The following ZNF611 variants were observed in gnomAD, a reference collection of about 807,000 sequenced individuals.
The protein encoded by ZNF611 is zinc finger protein 611.
ZNF611 carries 6 observed loss-of-function variants against 8.9 expected under a neutral mutation model. That is an observed-to-expected ratio of 0.68 (90% CI 0.37 to 1.34). ZNF611 has a LOEUF of 1.34. Among genes scored for constraint, ZNF611 ranks in the 40% most tolerant of loss-of-function variants. The pLI is 0.02. For synonymous variants in ZNF611, 262 were observed against 279.7 expected, an observed-to-expected ratio of 0.94 and a Z score of 0.63; for missense variants, 874 against 841.3, an observed-to-expected ratio of 1.04 and a Z score of -0.48.
chr19:52,714,559 G>C (rs1321036091), intron 4 of ZNF611, among the ~76,000 whole-genome samples: 1 of 151,142 alleles, frequency 6.6e-6, no homozygotes, highest in African/African-American at 2.4e-5. Context: ...ATGGTAGAAG[G>C]CACCTGTAAT....
At chr19:52,727,907 CTTTTTTTTTT>C (rs11319896) in intron 3 of ZNF611, among the ~76,000 whole-genome samples, 82 of 105,888 alleles carry the variant, frequency 7.7e-4, no homozygotes, top group African/African-American at 2.9e-3. Context: ...TGTTGTGTGC[CTTTTTTTTTT>C]TTTTTTTTTT....
At chr19:52,729,507 AAAAAAAAAAAAG>A (rs1568610174) in intron 2 of ZNF611, among the ~76,000 whole-genome samples, 3 of 145,314 alleles carry the variant, frequency 2.1e-5, no homozygotes, top group African/African-American at 8.1e-5. Flanking sequence ...AAAAAAAAAA[AAAAAAAAAAAAG>A]AAAAGAAAGA....
chr19:52,733,313 TG>T (rs1353728246), intron 1 of ZNF611, among the ~76,000 whole-genome samples: 10 of 152,156 alleles, frequency 6.6e-5, no homozygotes, highest in Non-Finnish European at 8.8e-5. Flanking sequence ...CCTTTTTTTT[TG>T]TTTGGAGACA....
At chr19:52,724,845 C>CTA (rs1289439923) in intron 3 of ZNF611, among the ~76,000 whole-genome samples, 1 of 152,136 alleles carries the variant, frequency 6.6e-6, no homozygotes, top group African/African-American at 2.4e-5. Flanking sequence ...CTGCCCCTCT[C>CTA]CCTATCTTGT....
chr19:52,706,540 A>G lies in ZNF611; in HGVS notation c.515T>C (p.Ile172Thr). 5 of 1,614,154 alleles carry G rather than the reference A, an allele frequency of 3.1e-6. No individual in the cohort carries two copies. The highest frequency in any genetic ancestry group is 4.2e-6 in the Non-Finnish European group (5 of 1,180,026). Residue 172 changes from isoleucine to threonine, a missense_variant, in exon 6 of 6, where the codon ATC (isoleucine) becomes ACC (threonine). Coordinates refer to ENST00000652185, the MANE Select transcript of ZNF611 (RefSeq NM_001161499.2). ...AAGTTGATTACCAATTTCACCTTTG[A>G]TCTGAAATATGTGGAGTTCAGGCAG... is the stretch of plus-strand genomic sequence containing the variant. ...SHLPELHIFQ[I>T]KGEIGNQLEK...
At chr19:52,719,447 C>T (rs573909515) in intron 3 of ZNF611, among the ~76,000 whole-genome samples, 1 of 152,248 alleles carries the variant, frequency 6.6e-6, no homozygotes, top group East Asian at 1.9e-4. Context: ...AGGGAAGCTG[C>T]CTCTGATGCC....
chr19:52,711,477 T>C (rs2062279636), intron 5 of ZNF611, among the ~76,000 whole-genome samples: 2 of 152,172 alleles, frequency 1.3e-5, no homozygotes, highest in African/African-American at 4.8e-5. Flanking sequence ...GGACAAGACT[T>C]GATCCTGGGC....
intron 5 of ZNF611, chr19:52,708,805 C>G (rs1188899632): frequency 6.6e-6 from 1 of 152,176 alleles, no homozygotes; most frequent in East Asian, 1.9e-4. Context: ...CCATTGCACT[C>G]CAGCCTGGGT....
intron 3 of ZNF611, among the ~76,000 whole-genome samples, chr19:52,726,280 G>A (rs192007326): frequency 6.6e-6 from 1 of 152,258 alleles, no homozygotes; most frequent in East Asian, 1.9e-4. Flanking sequence ...GAAGCCTGAG[G>A]TCCCAGCTAC....
Position 52,706,230 on chromosome 19 carries a change from T to A in ZNF611, c.825A>T (p.Ala275=), listed in dbSNP as rs111665269. 3 of 1,614,200 alleles carry A rather than the reference T, an allele frequency of 1.9e-6. No homozygotes were observed. The South Asian group carries it at 3.3e-5, about 18-fold the overall frequency. The change falls in exon 6 of 6, where the codon GCA becomes GCT. Residue 275 remains alanine (A), a synonymous_variant. Coordinates refer to ENST00000652185, the MANE Select transcript of ZNF611 (RefSeq NM_001161499.2). ...CAACAGTGTGACATCTATCATGGCA[T>A]GCAAGGTATTGCTCGTGATTAAAGA... The part of the protein sequence containing the change: ...GKLFNHEQYL[A]CHDRCHTVEK...
At chr19:52,728,495 A>G (rs1201484690) in intron 3 of ZNF611, among the ~76,000 whole-genome samples, 2 of 151,878 alleles carry the variant, frequency 1.3e-5, no homozygotes, top group East Asian at 1.9e-4. Flanking sequence ...CCGAGATCGC[A>G]CCATTTAACT....
At chr19:52,721,693 G>C (rs1235385614) in intron 3 of ZNF611, among the ~76,000 whole-genome samples, 1 of 151,948 alleles carries the variant, frequency 6.6e-6, no homozygotes, top group Admixed American at 6.6e-5. Context: ...GAGAGAGGGA[G>C]GGAGAGGGAG....
At chr19:52,714,905 G>C (rs2062306403) in intron 4 of ZNF611, among the ~76,000 whole-genome samples, 1 of 151,972 alleles carries the variant, frequency 6.6e-6, no homozygotes, top group Non-Finnish European at 1.5e-5. Context: ...GGCTGAGGCA[G>C]GAGGATCGCT....
At chr19:52,710,476 C>G (rs1483287029) in intron 5 of ZNF611, among the ~76,000 whole-genome samples, 1 of 152,110 alleles carries the variant, frequency 6.6e-6, no homozygotes, top group Non-Finnish European at 1.5e-5. Flanking sequence ...GTGATCCACC[C>G]GTCTCGGCCT....
At chr19:52,722,591 C>A (rs1326418994) in intron 3 of ZNF611, among the ~76,000 whole-genome samples, 1 of 152,124 alleles carries the variant, frequency 6.6e-6, no homozygotes, top group Non-Finnish European at 1.5e-5. Context: ...ATAGAATGTA[C>A]ATGACTCACA....
At position 52,705,440 on chromosome 19, in the gene ZNF611, T is replaced by C; in HGVS notation, c.1615A>G (p.Lys539Glu). 3.7e-6 allele frequency: 6 copies of C among 1,614,198 alleles called. No homozygotes were observed. The highest frequency in any genetic ancestry group is 5.1e-6 in the Non-Finnish European group (6 of 1,180,034). ...KIGHTGEKPYKCKVCDKAFAC... is the reference protein window; with the variant it reads ...KIGHTGEKPYECKVCDKAFAC... ...AAAGCCTTGTCACAAACCTTACATT[T>C]GTATGGTTTCTCTCCAGTATGACCT... The change falls in exon 6 of 6, where the codon AAA becomes GAA. Residue 539 changes from lysine (K) to glutamate (E), a missense_variant. Transcript: ENST00000652185.
intron 5 of ZNF611, among the ~76,000 whole-genome samples, chr19:52,707,208 T>C (rs1185299321): frequency 1.3e-5 from 2 of 149,774 alleles, no homozygotes; most frequent in African/African-American, 4.9e-5. Context: ...GAAAAATATA[T>C]ACTCTTCATA....
intron 5 of ZNF611, among the ~76,000 whole-genome samples, chr19:52,710,271 C>T (rs909152501): frequency 1.3e-5 from 2 of 149,916 alleles, no homozygotes; most frequent in Non-Finnish European, 3.0e-5. Flanking sequence ...AACTCTGTCA[C>T]CCGGGATGGA....
chr19:52,719,908 C>T (rs927471909), intron 3 of ZNF611, among the ~76,000 whole-genome samples: 6 of 152,184 alleles, frequency 3.9e-5, no homozygotes, highest in African/African-American at 7.2e-5. Context: ...AGGCAGAGGT[C>T]CCTGCGGCCT....
Sources: allele counts gnomAD v4.1 joint callset (sites outside exome capture counted in the v4.1 genomes callset), GRCh38; gene constraint gnomAD v4.1.1; transcripts MANE v1.5; gene names NCBI Gene and HGNC (gene_info 2026-07-23, HGNC 2026-07-21).